DNAH14: variants seen among roughly 807,000 people sequenced by gnomAD.
The protein encoded by DNAH14 is dynein axonemal heavy chain 14, also known as axonemal beta dynein heavy chain 14.
Under a neutral mutation model 520.9 loss-of-function variants are expected in DNAH14, and 478 were observed. That is an observed-to-expected ratio of 0.92 (90% CI 0.85 to 0.99). The LOEUF (loss-of-function observed/expected upper bound fraction) is 0.99, where lower values mean the gene tolerates loss of function less well. Among genes scored for constraint, DNAH14 ranks in the 50% least tolerant of loss-of-function variants. The pLI is 0.00. For missense variants in DNAH14, 4,831 were observed against 5,234.5 expected, an observed-to-expected ratio of 0.92 and a Z score of 2.38; for synonymous variants, 1,581 against 1,757.2, an observed-to-expected ratio of 0.90 and a Z score of 2.51.
rs1208642171 is a variant in DNAH14, at chr1:225,340,435, C to T, written c.10434-22C>T. The T allele has an allele frequency of 2.0e-6, 3 of 1,510,136 alleles. No homozygotes were observed. In the East Asian group the frequency reaches 7.5e-5, roughly 38 times the overall value. 93.5% of individuals were successfully genotyped at this position (1,510,136 alleles called of 1,614,324 possible). A position where few individuals can be genotyped will look rare whatever the true frequency, so the allele number is the denominator to read the frequency against. On this transcript the variant is annotated intron_variant, in intron 68 of 85. Transcript: ENST00000682510. ...TTTCTTCTACATGTTCTTTGAATAA[C>T]TGGTGCCTTTCTCATGTTCAGGTTA...
chr1:224,943,209 A>G (rs960014553), intron 1 of DNAH14, among the ~76,000 whole-genome samples: 1 of 152,168 alleles, frequency 6.6e-6, no homozygotes, highest in Non-Finnish European at 1.5e-5. Context: ...CAGAGATTCA[A>G]CTTCTTCCTG....
chr1:224,938,356 C>G (rs542797450), intron 1 of DNAH14, among the ~76,000 whole-genome samples: 2 of 152,002 alleles, frequency 1.3e-5, no homozygotes, highest in Admixed American at 1.3e-4. Flanking sequence ...AGCGAAAAAA[C>G]AAAAGGATTA....
intron 36 of DNAH14, 72 bp from the exon 37 acceptor site, chr1:225,185,219 G>T: frequency 8.4e-6 from 12 of 1,420,300 alleles, no homozygotes; most frequent in Non-Finnish European, 1.1e-5. Flanking sequence ...AATAGTCAAT[G>T]GATATAGAGA....
intron 10 of DNAH14, among the ~76,000 whole-genome samples, chr1:225,017,516 C>A (rs1177190690): frequency 6.6e-6 from 1 of 152,206 alleles, no homozygotes; most frequent in Admixed American, 6.5e-5. Context: ...CCCCTGCTGC[C>A]CCTACCAGAG....
At chr1:225,251,370 C>T (rs555798385) in intron 43 of DNAH14, among the ~76,000 whole-genome samples, 1 of 152,170 alleles carries the variant, frequency 6.6e-6, no homozygotes, top group East Asian at 1.9e-4. Context: ...GACGGGGTTG[C>T]ACCATGTTGG....
At chr1:225,119,454 T>C (rs2077123422) in intron 26 of DNAH14, among the ~76,000 whole-genome samples, 160 bp downstream of exon 26, 1 of 152,198 alleles carries the variant, frequency 6.6e-6, no homozygotes, top group Admixed American at 6.5e-5. Flanking sequence ...TGGGTTTTAA[T>C]GGAACATGAT....
chr1:224,946,849 T>C (rs2059868902), intron 1 of DNAH14, among the ~76,000 whole-genome samples: 1 of 151,652 alleles, frequency 6.6e-6, no homozygotes, highest in African/African-American at 2.4e-5. Flanking sequence ...TTTTTTTTTT[T>C]TCCTAGCTGG....
At chr1:225,261,259 G>T (rs1437514153) in intron 46 of DNAH14, among the ~76,000 whole-genome samples, 1 of 152,168 alleles carries the variant, frequency 6.6e-6, no homozygotes, top group Non-Finnish European at 1.5e-5. Flanking sequence ...CACTGAGTAT[G>T]ATGTTAGCTG....
At chr1:225,251,839 T>C (rs1211845245) in intron 43 of DNAH14, among the ~76,000 whole-genome samples, 1 of 152,204 alleles carries the variant, frequency 6.6e-6, no homozygotes, top group African/African-American at 2.4e-5. Flanking sequence ...AATACTGTTA[T>C]TATCTTATAG....
At chr1:224,956,131 G>T (rs1016372247) in intron 3 of DNAH14, among the ~76,000 whole-genome samples, 2 of 151,538 alleles carry the variant, frequency 1.3e-5, no homozygotes, top group African/African-American at 2.4e-5. Context: ...TACTCACCTG[G>T]CTTTCTTTAT....
intron 41 of DNAH14, among the ~76,000 whole-genome samples, chr1:225,210,080 G>A (rs917640651): frequency 3.9e-5 from 6 of 151,934 alleles, no homozygotes; most frequent in South Asian, 2.1e-4. Flanking sequence ...TGGCTATTAC[G>A]GCAGACACCG....
intron 84 of DNAH14, among the ~76,000 whole-genome samples, chr1:225,392,953 T>C (rs575642004): frequency 1.9e-4 from 29 of 152,260 alleles, no homozygotes; most frequent in Admixed American, 3.9e-4. Context: ...GCCAGCCAGG[T>C]GCACCGTGCA....
chr1:225,326,890 G>T (rs2094684046), intron 64 of DNAH14, among the ~76,000 whole-genome samples: 1 of 151,490 alleles, frequency 6.6e-6, no homozygotes, highest in African/African-American at 2.4e-5. Flanking sequence ...CAAAAATCAT[G>T]GATTTAAAAA....
intron 23 of DNAH14, among the ~76,000 whole-genome samples, chr1:225,105,251 C>G (rs1041676070): frequency 6.6e-6 from 1 of 152,036 alleles, no homozygotes; most frequent in Non-Finnish European, 1.5e-5. Context: ...GTCTGAGAGA[C>G]AGTTTGTTAT....
At position 225,019,561 on chromosome 1, in the gene DNAH14, C is replaced by T. The variant is rs975658893; in HGVS notation, c.1108-4054C>T. Among the ~76,000 whole-genome samples, 73 of 152,196 alleles carry T rather than the reference C, an allele frequency of 4.8e-4. 1 individual carries two copies. The highest frequency in any genetic ancestry group is 2.4e-4 in the Non-Finnish European group (16 of 68,010). On this transcript the variant is annotated intron_variant, in intron 10 of 85. Transcript: ENST00000682510. Reference sequence around the variant, plus strand: ...TTCAGGACTTAAACTTGATACTTGACCAGTTGGATCTAACAGACACCTACA... The same window carrying T: ...TTCAGGACTTAAACTTGATACTTGATCAGTTGGATCTAACAGACACCTACA...
intron 46 of DNAH14, among the ~76,000 whole-genome samples, 155 bp from the exon 47 acceptor site, chr1:225,264,042 A>G (rs1450994984): frequency 1.3e-5 from 2 of 152,114 alleles, no homozygotes; most frequent in African/African-American, 4.8e-5. Context: ...TTATGGTGAC[A>G]CTAATTTCAT....
At position 225,301,023 on chromosome 1, in the gene DNAH14, T is replaced by A; in HGVS notation, c.8624T>A (p.Phe2875Tyr). Residue 2875 changes from phenylalanine (F) to tyrosine (Y), a missense_variant, in exon 56 of 86, where the codon TTT becomes TAT. Phe to Tyr is a conservative substitution (Grantham distance 22). Coordinates refer to ENST00000682510, the MANE Select transcript of DNAH14 (RefSeq NM_001367479.1). ...MDNRQSLLSF[F>Y]QKRIYKNLHI... ...AATAGGCAATCTTTACTTTCATTCT[T>A]TCAAAAGGTACTTTTTTGTGACTTG... The A allele has an allele frequency of 2.6e-6, 4 of 1,548,128 alleles. No homozygotes were observed. Among genetic ancestry groups the A allele is most frequent in the Non-Finnish European group, 3.5e-6 (4 of 1,145,946 alleles).
intron 23 of DNAH14, among the ~76,000 whole-genome samples, chr1:225,106,174 G>A (rs1392168372): frequency 6.6e-6 from 1 of 150,844 alleles, no homozygotes; most frequent in African/African-American, 2.5e-5. Flanking sequence ...ATTCTAGGTT[G>A]AAAATTCTTT....
chr1:225,381,352 T>C, intron 80 of DNAH14, 31 bp from the exon 81 acceptor site: 3 of 1,519,056 alleles, frequency 2.0e-6, no homozygotes, highest in Non-Finnish European at 1.8e-6. Flanking sequence ...ATCTGTAAAA[T>C]ATCAAAATTT....
Sources: gnomAD v4.1 joint callset for allele counts (sites outside exome capture counted in the v4.1 genomes callset) on GRCh38, gnomAD v4.1.1 for gene constraint, MANE v1.5 for transcripts, NCBI Gene and HGNC (gene_info 2026-07-23, HGNC 2026-07-21) for gene names.